Variants in WNT11 observed in about 807,000 individuals in gnomAD.
WNT11 encodes Wnt family member 11, also known as protein Wnt-11.
In WNT11, 20 loss-of-function variants were observed where a neutral mutation model predicts 35.6. The observed-to-expected ratio is 0.56, with a 90% CI of 0.40 to 0.82. The LOEUF (loss-of-function observed/expected upper bound fraction) is 0.82, where lower values mean the gene tolerates loss of function less well. Among genes scored for constraint, WNT11 ranks in the 40% least tolerant of loss-of-function variants. The probability of loss-of-function intolerance (pLI) is 0.00; values close to 1 mark genes in which losing one functional copy is unlikely to be tolerated. For synonymous variants in WNT11, 200 were observed against 211.9 expected (o/e 0.94, Z 0.49); for missense variants, 459 against 504.4 (o/e 0.91, Z 0.86).
chr11:76,187,376 T>C (rs376004680), intron 4 of WNT11, 137 bp from the exon 5 acceptor site: 1 of 835,204 alleles, frequency 1.2e-6, no homozygotes. Context: ...TCTTGATCTT[T>C]GGGGAATTTT....
chr11:76,199,948 C>T (rs1953349185), intron 1 of WNT11, among the ~76,000 whole-genome samples: 1 of 152,228 alleles, frequency 6.6e-6, no homozygotes, highest in African/African-American at 2.4e-5. Context: ...TTGCCCCTCT[C>T]TGGGCATCAA....
chr11:76,187,553 C>T (rs1448736401), intron 4 of WNT11, among the ~76,000 whole-genome samples: 1 of 151,806 alleles, frequency 6.6e-6, no homozygotes, highest in African/African-American at 2.4e-5. Context: ...AGCCTTGACC[C>T]CCGCCTTCCC....
chr11:76,191,492 G>T, intron 4 of WNT11, 72 bp downstream of exon 4: 1 of 1,519,612 alleles, frequency 6.6e-7, no homozygotes. Flanking sequence ...TGCTGTGTGC[G>T]TGACCCTGAG....
chr11:76,210,707 C>G (rs929537450), upstream of WNT11: 11 of 980,554 alleles, frequency 1.1e-5, no homozygotes, highest in South Asian at 9.4e-5. Flanking sequence ...GCTCAGCTCC[C>G]GTGGCCTGTG....
intron 1 of WNT11, 141 bp from the exon 2 acceptor site, chr11:76,196,859 G>T: frequency 1.1e-6 from 1 of 943,648 alleles, no homozygotes; most frequent in Non-Finnish European, 1.6e-6. Context: ...TCCAAAAAAG[G>T]CTCCCAAACT....
At chr11:76,191,065 G>A (rs1953177250) in intron 4 of WNT11, among the ~76,000 whole-genome samples, 1 of 152,172 alleles carries the variant, frequency 6.6e-6, no homozygotes, top group South Asian at 2.1e-4. Flanking sequence ...CAGGGGCAGT[G>A]TTGCTGCACG....
At chr11:76,200,210 C>G (rs1953353392) in intron 1 of WNT11, among the ~76,000 whole-genome samples, 1 of 152,150 alleles carries the variant, frequency 6.6e-6, no homozygotes, top group African/African-American at 2.4e-5. Flanking sequence ...ACTGCCACCC[C>G]CTAAACTATG....
At chr11:76,192,275 G>A (rs1953197682) in intron 3 of WNT11, among the ~76,000 whole-genome samples, 1 of 152,218 alleles carries the variant, frequency 6.6e-6, no homozygotes, top group South Asian at 2.1e-4. Context: ...ACCCAGATCT[G>A]AGGCTGATTC....
At chr11:76,187,456 TG>T (rs1291910042) in intron 4 of WNT11, among the ~76,000 whole-genome samples, 1 of 152,162 alleles carries the variant, frequency 6.6e-6, no homozygotes, top group Admixed American at 6.5e-5. Context: ...ACCAAAATGA[TG>T]GGGCTGTTTT....
At chr11:76,200,489 G>A (rs1267821791) in intron 1 of WNT11, among the ~76,000 whole-genome samples, 4 of 152,220 alleles carry the variant, frequency 2.6e-5, no homozygotes, top group East Asian at 1.9e-4. Flanking sequence ...GTGCAGTGCC[G>A]TCATGGGGTA....
chr11:76,196,568 C>G lies in WNT11; in HGVS notation c.234G>C (p.Lys78Asn), dbSNP rs1277702831. The stretch of plus-strand genomic sequence containing the variant: ...TGTCGGCAAAGGCCCGGCGACAGGC[C>G]TTCATGACCTCGCGGGCGGCGTGCA... The part of the protein sequence containing the change: ...TVVHAAREVM[K>N]ACRRAFADMR... The change falls in exon 2 of 5, where the codon AAG becomes AAC. Residue 78 changes from lysine (K) to asparagine (N), a missense_variant. Transcript: ENST00000322563. 1 of 1,613,542 alleles carries G rather than the reference C, an allele frequency of 6.2e-7. No individual in the cohort carries two copies. The highest frequency in any genetic ancestry group is 1.3e-5 in the African/African-American group (1 of 74,958).
Position 76,186,684 on chromosome 11 carries a change from G to A in WNT11, c.*381C>T, listed in dbSNP as rs1953098478. The A allele has an allele frequency of 1.4e-4, 51 of 361,854 alleles. 1 individual carries two copies. The highest frequency in any genetic ancestry group is 1.1e-3 in the South Asian group (51 of 46,720). 22.4% of individuals were successfully genotyped at this position (361,854 alleles called of 1,614,324 possible). A position where few individuals can be genotyped will look rare whatever the true frequency, so the allele number is the denominator to read the frequency against. On this transcript the variant is annotated 3_prime_UTR_variant, in exon 5 of 5. Transcript: ENST00000322563. ...GCTCAGACCCCAGGGTGGGCCAGGG[G>A]GTCCCGCAGAACATTCTGAAGAAGG...
chr11:76,192,239 T>C (rs1953197185), intron 3 of WNT11, among the ~76,000 whole-genome samples: 1 of 152,192 alleles, frequency 6.6e-6, no homozygotes, highest in South Asian at 2.1e-4. Flanking sequence ...AGGGTGCAGA[T>C]AGAAAATCAT....
intron 1 of WNT11, among the ~76,000 whole-genome samples, chr11:76,202,055 CCT>C (rs1240512379): frequency 1.3e-5 from 2 of 152,140 alleles, no homozygotes; most frequent in Admixed American, 6.5e-5. Flanking sequence ...CCCCAAGTTC[CCT>C]CTCTGCAGTT....
chr11:76,203,234 CTG>C (rs1953412260), intron 1 of WNT11, among the ~76,000 whole-genome samples: 1 of 152,236 alleles, frequency 6.6e-6, no homozygotes, highest in Non-Finnish European at 1.5e-5. Flanking sequence ...GCTGAGGAAA[CTG>C]AGGCTCAGAG....
chr11:76,198,840 G>T (rs142187183), intron 1 of WNT11, among the ~76,000 whole-genome samples: 1 of 152,214 alleles, frequency 6.6e-6, no homozygotes, highest in Non-Finnish European at 1.5e-5. Flanking sequence ...CTGTTACAAA[G>T]AAATGATAAG....
upstream of WNT11, among the ~76,000 whole-genome samples, chr11:76,209,866 C>T (rs997806776): frequency 7.9e-5 from 12 of 151,736 alleles, no homozygotes; most frequent in African/African-American, 2.9e-4. Flanking sequence ...GCAGATGTGC[C>T]TCGGGGCCGG....
chr11:76,202,628 G>A (rs1953399121), intron 1 of WNT11, among the ~76,000 whole-genome samples: 1 of 152,148 alleles, frequency 6.6e-6, no homozygotes, highest in African/African-American at 2.4e-5. Flanking sequence ...TCTTCAATTA[G>A]GCACCAGGTC....
At chr11:76,189,907 C>T (rs1024227820) in intron 4 of WNT11, among the ~76,000 whole-genome samples, 1 of 152,174 alleles carries the variant, frequency 6.6e-6, no homozygotes, top group African/African-American at 2.4e-5. Context: ...GCAAGGGTCC[C>T]CCTAGGGAAG....
Sources: gnomAD v4.1 joint callset for allele counts (sites outside exome capture counted in the v4.1 genomes callset) on GRCh38, gnomAD v4.1.1 for gene constraint, MANE v1.5 for transcripts, NCBI Gene and HGNC (gene_info 2026-07-23, HGNC 2026-07-21) for gene names.